Variants in FXYD5 observed in about 807,000 individuals in gnomAD.
FXYD5 encodes FXYD domain containing ion transport regulator 5, also known as FXYD domain-containing ion transport regulator 5.
A neutral mutation model predicts 25.7 loss-of-function variants in FXYD5; 21 were observed. That is an observed-to-expected ratio of 0.82 (90% CI 0.58 to 1.18). FXYD5 has a LOEUF of 1.18. FXYD5 is among the 50% of genes most tolerant of loss of function. FXYD5 has a pLI of 0.00. For missense variants in FXYD5, 229 were observed against 227.7 expected (o/e 1.01, Z -0.04); for synonymous variants, 101 against 90.7 (o/e 1.11, Z -0.64).
At chr19:35,157,348 G>C (rs1192345646) in intron 2 of FXYD5, 73 bp from the exon 3 acceptor site, 2 of 772,132 alleles carry the variant, frequency 2.6e-6, no homozygotes, top group Admixed American at 3.8e-5. Flanking sequence ...GGTTTCACCA[G>C]GGAGGCGAGG....
rs117868914 is a variant in FXYD5, at chr19:35,169,169, C to T, written c.488-397C>T. Among the ~76,000 whole-genome samples, 92 of 152,272 alleles carry T rather than the reference C, an allele frequency of 6.0e-4. 1 individual carries two copies. In the East Asian group the frequency reaches 0.017, roughly 29 times the overall value. ...ATGCCTCCTTCCTGGCCTTATTTCC[C>T]TTTGTAGGACTTAACACCCTCCCAC... On this transcript the variant is annotated intron_variant, in intron 8 of 8. Coordinates refer to ENST00000392219, the MANE Select transcript of FXYD5 (RefSeq NM_014164.6).
chr19:35,160,474 G>A (rs1322557994), intron 4 of FXYD5, among the ~76,000 whole-genome samples: 1 of 152,138 alleles, frequency 6.6e-6, no homozygotes, highest in Non-Finnish European at 1.5e-5. Flanking sequence ...AGCCTCCCGA[G>A]TAGCTGAGAT....
intron 8 of FXYD5, among the ~76,000 whole-genome samples, chr19:35,169,062 C>CAA (rs58642459): frequency 0.46 from 58,164 of 126,660 alleles, 12,902 homozygotes; most frequent in East Asian, 0.49. Flanking sequence ...GACTCTGTCT[C>CAA]AAAAAAAAAA....
intron 5 of FXYD5, among the ~76,000 whole-genome samples, chr19:35,162,739 A>G (rs2901967): frequency 0.13 from 19,390 of 152,160 alleles, 1,456 homozygotes; most frequent in East Asian, 0.22. Flanking sequence ...GCTGTCACTC[A>G]ATATCCCTAC....
At chr19:35,159,690 G>A (rs4806093) in intron 4 of FXYD5, 203,304 of 1,503,832 alleles carry the variant, frequency 0.14, 14,901 homozygotes, top group East Asian at 0.22. Flanking sequence ...AATATTTTGC[G>A]TATGTTAACT....
chr19:35,169,745 C>A lies in FXYD5; in HGVS notation c.*130C>A. 1.5e-6 allele frequency: 1 copy of A among 686,792 alleles called. No individual in the cohort carries two copies. Among genetic ancestry groups the A allele is most frequent in the Non-Finnish European group, 2.6e-6 (1 of 382,524 alleles). The allele number at this position is 686,792 out of a possible 1,614,324, so 42.5% of individuals were successfully genotyped here. The stretch of plus-strand genomic sequence containing the variant: ...GAGAGGGAAGACACAGATGATGAAG[C>A]TGGAGCCAGGGCTGCCGGTCCGAGT... On this transcript the variant is annotated 3_prime_UTR_variant, in exon 9 of 9. Coordinates refer to ENST00000392219, the MANE Select transcript of FXYD5 (RefSeq NM_014164.6).
At chr19:35,168,969 G>A (rs942499897) in intron 8 of FXYD5, among the ~76,000 whole-genome samples, 3 of 151,924 alleles carry the variant, frequency 2.0e-5, no homozygotes, top group Non-Finnish European at 2.9e-5. Context: ...AGGCTGAGGC[G>A]GGAGAATCGC....
rs74388313 is a variant in FXYD5, at chr19:35,161,251, A to C, written c.292+450A>C. Among the ~76,000 whole-genome samples the C allele has an allele frequency of 9.5e-3, 58 of 6,106 alleles. 2 individuals carry two copies. The highest frequency in any genetic ancestry group is 0.041 in the African/African-American group (44 of 1,064). 4.0% of individuals were successfully genotyped at this position (6,106 alleles called of 152,430 possible). On this transcript the variant is annotated intron_variant, in intron 5 of 8. Coordinates refer to ENST00000392219, the MANE Select transcript of FXYD5 (RefSeq NM_014164.6). ...ACACACACACACACACACACACAAAAGAATGATTGGCTATATAAGTTCTGG... is the reference window on the plus strand; with the variant it reads ...ACACACACACACACACACACACAAACGAATGATTGGCTATATAAGTTCTGG...
intron 5 of FXYD5, among the ~76,000 whole-genome samples, chr19:35,161,205 T>C (rs140571392): frequency 1.1e-4 from 3 of 26,296 alleles, no homozygotes; most frequent in African/African-American, 6.4e-4. Context: ...TTGCAAAATA[T>C]AGAAAATTCA....
rs776887897 is a variant in FXYD5, at chr19:35,169,604, C to G, written c.526C>G (p.Arg176Gly). ...GCAGCTGTCCCGGTTATGCCGGAAT[C>G]GTTGCAGGTGAGTCCATCAGAAACA... ...CRQLSRLCRN[R>G]CR The change falls in exon 9 of 9, where the codon CGT becomes GGT. Residue 176 changes from arginine (R) to glycine (G), a missense_variant. Coordinates refer to ENST00000392219, the MANE Select transcript of FXYD5 (RefSeq NM_014164.6). The G allele has an allele frequency of 6.2e-7, 1 of 1,610,622 alleles. No individual in the cohort carries two copies.
chr19:35,155,497 G>A (rs1176924970), intron 1 of FXYD5, 54 bp from the exon 2 acceptor site: 7 of 1,432,234 alleles, frequency 4.9e-6, no homozygotes, highest in African/African-American at 2.8e-5. Flanking sequence ...GGGGGCTGCC[G>A]GAGGTCGGTC....
chr19:35,161,248 A>ACACACACACACAC (rs61309039), intron 5 of FXYD5, among the ~76,000 whole-genome samples: 48 of 142,900 alleles, frequency 3.4e-4, no homozygotes, highest in South Asian at 6.9e-4. Flanking sequence ...ACACACACAC[A>ACACACACACACAC]AAAGAATGAT....
intron 8 of FXYD5, 81 bp from the exon 9 acceptor site, chr19:35,169,485 A>G (rs1240625981): frequency 1.2e-5 from 13 of 1,073,026 alleles, no homozygotes; most frequent in East Asian, 2.3e-5. Context: ...GGGTTGATCA[A>G]TCTGGTTCCC....
intron 5 of FXYD5, among the ~76,000 whole-genome samples, chr19:35,162,857 G>A (rs2065418007): frequency 6.6e-6 from 1 of 152,218 alleles, no homozygotes; most frequent in Non-Finnish European, 1.5e-5. Flanking sequence ...CACAAAGAAA[G>A]GGAGAGCTGT....
rs1568418328 is a variant in FXYD5 at position 35,169,705 on chromosome 19, C to T, written c.*90C>T. On this transcript the variant is annotated 3_prime_UTR_variant, in exon 9 of 9. Coordinates refer to ENST00000392219, the MANE Select transcript of FXYD5 (RefSeq NM_014164.6). Reference sequence around the variant, plus strand: ...CCGTGCCCAGCCTCCTGCATCCCCTCGAAGAGCCTGGCCAGAGAGGGAAGA... The same window carrying T: ...CCGTGCCCAGCCTCCTGCATCCCCTTGAAGAGCCTGGCCAGAGAGGGAAGA... 6 of 833,482 alleles carry T rather than the reference C, an allele frequency of 7.2e-6. No individual in the cohort carries two copies. Among genetic ancestry groups the T allele is most frequent in the Middle Eastern group, 2.8e-4 (1 of 3,548 alleles). 51.6% of individuals were successfully genotyped at this position (833,482 alleles called of 1,614,324 possible).
chr19:35,167,334 G>A (rs896727310), intron 8 of FXYD5, among the ~76,000 whole-genome samples: 4 of 152,194 alleles, frequency 2.6e-5, no homozygotes, highest in Non-Finnish European at 5.9e-5. Flanking sequence ...TGGAACTGGA[G>A]GTGGGGCTGC....
Position 35,157,426 on chromosome 19 carries a change from A to G in FXYD5, c.67A>G (p.Thr23Ala). 3 of 1,573,214 alleles carry G rather than the reference A, an allele frequency of 1.9e-6. No individual in the cohort carries two copies. The East Asian group carries it at 6.7e-5, about 35-fold the overall frequency. Reference sequence around the variant, plus strand: ...TCTCATCCTTGATTCCCCAGGACAGACGTTGAAAGATACCACGTCCAGTTC... The same window carrying G: ...TCTCATCCTTGATTCCCCAGGACAGGCGTTGAAAGATACCACGTCCAGTTC... ...VGLILPTRGQ[T>A]LKDTTSSSSA... Residue 23 changes from threonine to alanine, a missense_variant, in exon 3 of 9, where the codon ACG (threonine) becomes GCG (alanine). Coordinates refer to ENST00000392219, the MANE Select transcript of FXYD5 (RefSeq NM_014164.6).
intron 8 of FXYD5, among the ~76,000 whole-genome samples, chr19:35,168,756 A>C (rs187928406): frequency 9.9e-5 from 15 of 151,980 alleles, no homozygotes; most frequent in African/African-American, 3.4e-4. Flanking sequence ...CGTCCTTCAG[A>C]CCTTTGTTCA....
intron 8 of FXYD5, among the ~76,000 whole-genome samples, chr19:35,168,407 C>G (rs1300047143): frequency 6.6e-6 from 1 of 152,084 alleles, no homozygotes; most frequent in African/African-American, 2.4e-5. Flanking sequence ...TGGAACTGAT[C>G]CCTGATGATG....
Sources: allele counts gnomAD v4.1 joint callset (sites outside exome capture counted in the v4.1 genomes callset), GRCh38; gene constraint gnomAD v4.1.1; transcripts MANE v1.5; gene names NCBI Gene and HGNC (gene_info 2026-07-23, HGNC 2026-07-21).